ZNF181: variants seen among roughly 807,000 people sequenced by gnomAD.
ZNF181 encodes the protein zinc finger protein 181 (HHZ181).
A neutral mutation model predicts 11.9 loss-of-function variants in ZNF181; 8 were observed. The ratio of observed to expected loss-of-function variants is 0.67; its 90% CI spans 0.39 to 1.21. ZNF181 has a LOEUF of 1.21. Among genes scored for constraint, ZNF181 ranks in the 50% most tolerant of loss-of-function variants. The pLI, the probability that ZNF181 is intolerant of heterozygous loss-of-function variation, is 0.01. For missense variants in ZNF181, 542 were observed against 670.9 expected (o/e 0.81, Z 2.12); for synonymous variants, 202 against 221.1 (o/e 0.91, Z 0.77).
At chr19:34,735,160 G>A in intron 1 of ZNF181, 114 bp downstream of exon 1, 3 of 1,239,630 alleles carry the variant, frequency 2.4e-6, no homozygotes, top group Non-Finnish European at 3.4e-6. Flanking sequence ...CTGGATCCAT[G>A]GTTCCTTTCA....
chr19:34,739,166 G>GCTATAGA lies in ZNF181; in HGVS notation c.31_37dup (p.Phe13TyrfsTer6). 1 of 1,613,736 alleles carries GCTATAGA rather than the reference G, an allele frequency of 6.2e-7. No homozygotes were observed. Among genetic ancestry groups the GCTATAGA allele is most frequent in the Non-Finnish European group, 8.5e-7 (1 of 1,179,696 alleles). On this transcript the variant is annotated frameshift_variant, in exon 2 of 4. Transcript: ENST00000492450. LOFTEE classifies it high-confidence loss of function. Reference sequence around the variant, plus strand: ...ATTTCAGGTGACATTTAATGATGTGGCTATAGACTTCACTCATGAAGAGTG... The same window carrying GCTATAGA: ...ATTTCAGGTGACATTTAATGATGTGGCTATAGACTATAGACTTCACTCATGAAGAGTG...
At chr19:34,735,973 G>C (rs778005200) in intron 1 of ZNF181, 4 of 558,090 alleles carry the variant, frequency 7.2e-6, no homozygotes, top group Non-Finnish European at 1.3e-5. Flanking sequence ...TCCACAGTGT[G>C]TGTCACTCAC....
Position 34,744,769 on chromosome 19 carries a change from T to G in ZNF181, c.*2672T>G, listed in dbSNP as rs2069018857. 6.6e-6 allele frequency: 1 copy of G among 152,160 alleles called. No individual in the cohort carries two copies. The highest frequency in any genetic ancestry group is 1.5e-5 in the Non-Finnish European group (1 of 68,036). 9.4% of individuals were successfully genotyped at this position (152,160 alleles called of 1,614,324 possible). A position where few individuals can be genotyped will look rare whatever the true frequency, so the allele number is the denominator to read the frequency against. ...TATGGGATAATGAGAGTAGCTTTCTTTTCTCTCATTCTGTGTCCTTTCTCT... is the reference window on the plus strand; with the variant it reads ...TATGGGATAATGAGAGTAGCTTTCTGTTCTCTCATTCTGTGTCCTTTCTCT... On this transcript the variant is annotated 3_prime_UTR_variant, in exon 4 of 4. Transcript: ENST00000492450.
At chr19:34,736,941 A>G (rs2068898075) in intron 1 of ZNF181, among the ~76,000 whole-genome samples, 1 of 152,212 alleles carries the variant, frequency 6.6e-6, no homozygotes, top group Non-Finnish European at 1.5e-5. Context: ...TCATAAAGCT[A>G]TGAGAAATGT....
chr19:34,735,499 C>T (rs2068874464), intron 1 of ZNF181, among the ~76,000 whole-genome samples: 1 of 152,106 alleles, frequency 6.6e-6, no homozygotes. Flanking sequence ...CCACCACTAC[C>T]ACCCCGGTAG....
At position 34,743,118 on chromosome 19, in the gene ZNF181, C is replaced by G. The variant is rs2069004518; in HGVS notation, c.*1021C>G. The G allele has an allele frequency of 6.6e-6, 1 of 152,140 alleles. No individual in the cohort carries two copies. Among genetic ancestry groups the G allele is most frequent in the Admixed American group, 6.5e-5 (1 of 15,288 alleles). 9.4% of individuals were successfully genotyped at this position (152,140 alleles called of 1,614,324 possible). ...GATGGGATATAGGAATCCAGTAGTTCTGAGCTTTAGTGGTGTGTCAAAGTC... is the reference window on the plus strand; with the variant it reads ...GATGGGATATAGGAATCCAGTAGTTGTGAGCTTTAGTGGTGTGTCAAAGTC... On this transcript the variant is annotated 3_prime_UTR_variant, in exon 4 of 4. Transcript: ENST00000492450.
rs758602426 is a variant in ZNF181 at position 34,740,674 on chromosome 19, C to T, written c.293C>T (p.Ser98Leu). The T allele has an allele frequency of 1.1e-5, 18 of 1,605,430 alleles. No homozygotes were observed. In the South Asian group the frequency reaches 2.0e-4, roughly 18 times the overall value. ...AAGAAGGATAATTATGATGAAGATT[C>T]ACCCCAAACAGTAATAATAGAAAAA... The part of the protein sequence containing the change: ...STKKDNYDED[S>L]PQTVIIEKVV... Residue 98 changes from serine to leucine, a missense_variant, in exon 4 of 4, where the codon TCA (serine) becomes TTA (leucine). Ser to Leu is a moderately radical substitution (Grantham distance 145). Transcript: ENST00000492450.
At chr19:34,736,152 C>T (rs545091666) in intron 1 of ZNF181, 3 of 702,780 alleles carry the variant, frequency 4.3e-6, no homozygotes, top group East Asian at 2.7e-5. Context: ...TGAGTAATGA[C>T]GAACTGGTGG....
In ZNF181 at chr19:34,734,883, G is replaced by A; in HGVS notation, c.-155G>A. ...GGCGCCCTGGAGAGTGATTACCAGT[G>A]TGCCTTTCCATTATGGTGTGTCACA... On this transcript the variant is annotated 5_prime_UTR_variant, in exon 1 of 4. It adds an upstream start codon to the 5' untranslated region. Coordinates refer to ENST00000492450, the MANE Select transcript of ZNF181 (RefSeq NM_001029997.4). 1 of 684,320 alleles carries A rather than the reference G, an allele frequency of 1.5e-6. No homozygotes were observed. The allele number at this position is 684,320 out of a possible 1,614,324, so 42.4% of individuals were successfully genotyped here.
rs1353532332 is a variant in ZNF181, at chr19:34,739,640, G to C, written c.229+19G>C. 6.2e-7 allele frequency: 1 copy of C among 1,613,544 alleles called. No individual in the cohort carries two copies. Among genetic ancestry groups the C allele is most frequent in the African/African-American group, 1.3e-5 (1 of 74,892 alleles). ...ATTCCAGGTGAGTCATGGTGAACGA[G>C]ACAAAGGAAGATTTTGTTAAAAAGG... On this transcript the variant is annotated intron_variant, in intron 3 of 3. Coordinates refer to ENST00000492450, the MANE Select transcript of ZNF181 (RefSeq NM_001029997.4).
In ZNF181 at chr19:34,741,859, A is replaced by G; in HGVS notation, c.1478A>G (p.Lys493Arg). ...GGAGAGAAACCTTATGAATGTATTA[A>G]ATGTGGGAAGACCTTCAGCTGTAGT... ...HTGEKPYECI[K>R]CGKTFSCSSN... Residue 493 changes from lysine to arginine, a missense_variant, in exon 4 of 4, where the codon AAA (lysine) becomes AGA (arginine). Lys to Arg is a conservative substitution (Grantham distance 26). Transcript: ENST00000492450. 1 of 1,613,928 alleles carries G rather than the reference A, an allele frequency of 6.2e-7. No individual in the cohort carries two copies. The highest frequency in any genetic ancestry group is 8.5e-7 in the Non-Finnish European group (1 of 1,179,922).
intron 3 of ZNF181, among the ~76,000 whole-genome samples, chr19:34,739,997 G>A (rs8102963): frequency 1.9e-3 from 283 of 152,274 alleles, no homozygotes; most frequent in African/African-American, 6.4e-3. Flanking sequence ...AAAGCTGAGC[G>A]TTGTAGATGA....
Position 34,742,017 on chromosome 19 carries a change from A to C in ZNF181, c.1636A>C (p.Ser546Arg). The change falls in exon 4 of 4, where the codon AGT becomes CGT. Residue 546 changes from serine (S) to arginine (R), a missense_variant. By Grantham distance (110) the Ser-to-Arg change is moderately radical (BLOSUM62 -1). Transcript: ENST00000492450. ...AGTACATAATGGAGAGAAACCCAATAGTGTGGTAAGTGTGGAAAAGCCTTT... is the reference window on the plus strand; with the variant it reads ...AGTACATAATGGAGAGAAACCCAATCGTGTGGTAAGTGTGGAAAAGCCTTT... ...QRVHNGEKPNSVVSVEKPLDY... is the reference protein window; with the variant it reads ...QRVHNGEKPNRVVSVEKPLDY... 6.2e-7 allele frequency: 1 copy of C among 1,613,004 alleles called. No individual in the cohort carries two copies. The highest frequency in any genetic ancestry group is 2.2e-5 in the East Asian group (1 of 44,844).
chr19:34,740,733 A>G lies in ZNF181; in HGVS notation c.352A>G (p.Lys118Glu), dbSNP rs148911673. 12,974 of 1,613,452 alleles carry G rather than the reference A, an allele frequency of 8.0e-3. 91 individuals are homozygous for G. Among genetic ancestry groups the G allele is most frequent in the Non-Finnish European group, 9.3e-3 (10,926 of 1,179,742 alleles). The part of the protein sequence containing the change: ...VKQSYEFSNS[K>E]KNLEYIEKLE... ...ACAAAGTTATGAATTTTCAAATTCT[A>G]AGAAGAATTTGGAATATATAGAGAA... is the stretch of plus-strand genomic sequence containing the variant. The change falls in exon 4 of 4, where the codon AAG becomes GAG. Residue 118 changes from lysine to glutamate, a missense_variant. Lys to Glu is a moderately conservative substitution (Grantham distance 56, BLOSUM62 1). Coordinates refer to ENST00000492450, the MANE Select transcript of ZNF181 (RefSeq NM_001029997.4).
chr19:34,739,030 A>T, intron 1 of ZNF181, 118 bp from the exon 2 acceptor site: 1 of 1,463,588 alleles, frequency 6.8e-7, no homozygotes, highest in Non-Finnish European at 9.2e-7. Flanking sequence ...ATTCCCAATC[A>T]TTGCCACAAC....
chr19:34,738,767 T>A (rs541663163), intron 1 of ZNF181, among the ~76,000 whole-genome samples: 30 of 152,288 alleles, frequency 2.0e-4, no homozygotes, highest in African/African-American at 5.5e-4. Flanking sequence ...CCTCATTTTT[T>A]AATTACTTAC....
In ZNF181 at chr19:34,743,280, TAATG is replaced by T. The variant is rs997599915; in HGVS notation, c.*1186_*1189del. ...AAGCACATTTTGATAACCATTGTAA[TAATG>T]AACAAAACAAATCTGATCTTTTTCT... On this transcript the variant is annotated 3_prime_UTR_variant, in exon 4 of 4. Transcript: ENST00000492450. 3 of 152,190 alleles carry T rather than the reference TAATG, an allele frequency of 2.0e-5. No individual in the cohort carries two copies. Among genetic ancestry groups the T allele is most frequent in the Admixed American group, 6.5e-5 (1 of 15,278 alleles). 9.4% of individuals were successfully genotyped at this position (152,190 alleles called of 1,614,324 possible).
chr19:34,742,080 A>G lies in ZNF181; in HGVS notation c.1699A>G (p.Arg567Gly). 1 of 1,573,572 alleles carries G rather than the reference A, an allele frequency of 6.4e-7. No individual in the cohort carries two copies. The highest frequency in any genetic ancestry group is 1.2e-5 in the South Asian group (1 of 84,838). Residue 567 changes from arginine (R) to glycine (G), a missense_variant, in exon 4 of 4, where the codon AGA becomes GGA. By Grantham distance (125) the Arg-to-Gly change is moderately radical. Coordinates refer to ENST00000492450, the MANE Select transcript of ZNF181 (RefSeq NM_001029997.4). ...TCACTATACATGTGAGAAATCTTAC[A>G]GAAGAGAAACTGTATGAAGCAGTGG... The part of the protein sequence containing the change: ...MNHYTCEKSY[R>G]RETV
intron 1 of ZNF181, chr19:34,736,105 A>G (rs1267860212): frequency 2.8e-6 from 2 of 702,918 alleles, no homozygotes; most frequent in Admixed American, 4.0e-5. Flanking sequence ...CCTGGCACCA[A>G]ATAGATGCTT....
Sources: allele counts gnomAD v4.1 joint callset (sites outside exome capture counted in the v4.1 genomes callset), GRCh38; gene constraint gnomAD v4.1.1; transcripts MANE v1.5; gene names NCBI Gene and HGNC (gene_info 2026-07-23, HGNC 2026-07-21).